Variants in C8orf76 observed in about 807,000 individuals in gnomAD.
C8orf76 encodes chromosome 8 open reading frame 76.
C8orf76 carries 46 observed loss-of-function variants against 38.1 expected under a neutral mutation model. The observed-to-expected ratio is 1.21, with a 90% CI of 0.95 to 1.54. The LOEUF (loss-of-function observed/expected upper bound fraction) is 1.54, where lower values mean the gene tolerates loss of function less well. Ranked by LOEUF, C8orf76 falls within the 40% of genes most tolerant of loss-of-function variation. The probability of loss-of-function intolerance (pLI) is 0.00; values close to 1 mark genes in which losing one functional copy is unlikely to be tolerated. For synonymous variants in C8orf76, 166 were observed against 167.5 expected (o/e 0.99, Z 0.07); for missense variants, 461 against 441.6 (o/e 1.04, Z -0.39).
intron 1 of C8orf76, chr8:123,240,069 T>C (rs1192145333): frequency 2.6e-5 from 4 of 152,524 alleles, no homozygotes. Context: ...ACATCAGATC[T>C]GACAAAGTAT....
At position 123,239,164 on chromosome 8, in the gene C8orf76, C is replaced by G. The variant is rs1043987535; in HGVS notation, c.118-20G>C. The G allele has an allele frequency of 6.2e-7, 1 of 1,611,308 alleles. No individual in the cohort carries two copies. The highest frequency in any genetic ancestry group is 8.5e-7 in the Non-Finnish European group (1 of 1,177,854). On this transcript the variant is annotated intron_variant, in intron 1 of 5. Transcript: ENST00000276704. ...AAACCACTTGAAATCATGAAAATAG[C>G]CTATTACAGAGTGAGCTATGCTTTT...
intron 5 of C8orf76, among the ~76,000 whole-genome samples, chr8:123,225,195 T>C (rs543416248): frequency 1.3e-5 from 2 of 152,046 alleles, no homozygotes; most frequent in Non-Finnish European, 2.9e-5. Context: ...TTAGTAGAGA[T>C]GGGGTTTCAC....
intron 3 of C8orf76, among the ~76,000 whole-genome samples, chr8:123,237,295 G>A (rs1825530250): frequency 6.6e-6 from 1 of 152,024 alleles, no homozygotes; most frequent in African/African-American, 2.4e-5. Flanking sequence ...GTCATAAAGT[G>A]TCCCTTTCGT....
At chr8:123,234,843 T>C (rs549498626) in intron 3 of C8orf76, among the ~76,000 whole-genome samples, 2 of 151,794 alleles carry the variant, frequency 1.3e-5, no homozygotes, top group African/African-American at 4.8e-5. Context: ...ATGCCTATAA[T>C]CCCAGCTACT....
chr8:123,235,414 A>G (rs1029890821), intron 3 of C8orf76, among the ~76,000 whole-genome samples: 3 of 152,182 alleles, frequency 2.0e-5, no homozygotes, highest in African/African-American at 7.2e-5. Flanking sequence ...AAAAAAACAG[A>G]TATGGGCCAG....
intron 1 of C8orf76, 129 bp from the exon 2 acceptor site, chr8:123,239,273 G>A (rs1586813418): frequency 3.2e-6 from 3 of 946,696 alleles, no homozygotes; most frequent in East Asian, 5.7e-5. Context: ...GGCCAGGTTA[G>A]TCTTGAACTC....
intron 3 of C8orf76, among the ~76,000 whole-genome samples, chr8:123,232,640 C>T (rs1435581913): frequency 1.3e-5 from 2 of 152,206 alleles, no homozygotes; most frequent in East Asian, 3.9e-4. Context: ...CCCCAGGAAA[C>T]TGTACACCAG....
chr8:123,238,995 T>C (rs1348350323), intron 2 of C8orf76, 54 bp downstream of exon 2: 27 of 1,546,996 alleles, frequency 1.7e-5, no homozygotes, highest in Non-Finnish European at 4.5e-6. Context: ...TATTTACATA[T>C]GCCATAACTG....
intron 4 of C8orf76, among the ~76,000 whole-genome samples, chr8:123,229,768 G>A (rs1011274897): frequency 6.6e-6 from 1 of 152,174 alleles, no homozygotes; most frequent in Non-Finnish European, 1.5e-5. Context: ...TGTAATCCCA[G>A]CACTCTGGGA....
At chr8:123,221,580 C>A (rs1245211306) in intron 5 of C8orf76, among the ~76,000 whole-genome samples, 1 of 152,146 alleles carries the variant, frequency 6.6e-6, no homozygotes, top group Non-Finnish European at 1.5e-5. Flanking sequence ...GGACTACAGG[C>A]AAGTGCCACC....
chr8:123,223,742 G>A (rs1824949780), intron 5 of C8orf76, among the ~76,000 whole-genome samples: 1 of 152,134 alleles, frequency 6.6e-6, no homozygotes, highest in South Asian at 2.1e-4. Context: ...AACAAAATGA[G>A]ATATGTACAT....
chr8:123,231,832 A>T (rs1473268231), intron 3 of C8orf76, 75 bp from the exon 4 acceptor site: 3 of 1,440,312 alleles, frequency 2.1e-6, no homozygotes, highest in Non-Finnish European at 2.8e-6. Flanking sequence ...TGCCTAAAAA[A>T]CCAAGTTGTA....
intron 4 of C8orf76, among the ~76,000 whole-genome samples, chr8:123,228,207 T>C (rs980740896): frequency 2.0e-5 from 3 of 152,132 alleles, no homozygotes; most frequent in African/African-American, 7.2e-5. Context: ...CCATTTCTTT[T>C]TTTTATTACC....
At chr8:123,235,262 G>T (rs1376480199) in intron 3 of C8orf76, among the ~76,000 whole-genome samples, 1 of 152,100 alleles carries the variant, frequency 6.6e-6, no homozygotes, top group African/African-American at 2.4e-5. Flanking sequence ...ATGAAAAGAG[G>T]TGAATGAATT....
intron 3 of C8orf76, chr8:123,237,137 C>G (rs564948179): frequency 2.4e-6 from 2 of 836,886 alleles, no homozygotes; most frequent in Admixed American, 1.8e-5. Context: ...GTGCTGTGCC[C>G]GCCTGCACCA....
In C8orf76 at chr8:123,241,330, C is replaced by T. The variant is rs759602007; in HGVS notation, c.17G>A (p.Trp6Ter). Residue 6 changes from tryptophan to a stop codon, truncating the protein, a stop_gained, in exon 1 of 6, where the codon TGG (tryptophan) becomes TAG (stop). Coordinates refer to ENST00000276704, the MANE Select transcript of C8orf76 (RefSeq NM_032847.3). LOFTEE classifies it high-confidence loss of function. ...GTCCTCGAACTCGCCGCCGAACAAC[C>T]AGCACCCGGAATCCATCTCGCGCCC... MDSGC[W>*]LFGGEFEDSV... 16 of 1,569,344 alleles carry T rather than the reference C, an allele frequency of 1.0e-5. No homozygotes were observed. Among genetic ancestry groups the T allele is most frequent in the Non-Finnish European group, 1.4e-5 (16 of 1,163,550 alleles).
chr8:123,222,280 G>A (rs1185416116), intron 5 of C8orf76, among the ~76,000 whole-genome samples: 7 of 152,306 alleles, frequency 4.6e-5, no homozygotes, highest in South Asian at 4.1e-4. Flanking sequence ...CACCGCGCCC[G>A]GCAGGCATCT....
intron 4 of C8orf76, among the ~76,000 whole-genome samples, chr8:123,230,769 C>A (rs1563799395): frequency 6.6e-6 from 1 of 152,280 alleles, no homozygotes; most frequent in South Asian, 2.1e-4. Flanking sequence ...CCTGCCTCAG[C>A]CTCCTGAGTA....
intron 1 of C8orf76, among the ~76,000 whole-genome samples, chr8:123,240,838 G>A (rs577390251): frequency 1.3e-5 from 2 of 152,342 alleles, no homozygotes; most frequent in East Asian, 3.9e-4. Context: ...CGGGCAGGGG[G>A]AGCTCGCCGA....
Sources: allele counts gnomAD v4.1 joint callset (sites outside exome capture counted in the v4.1 genomes callset), GRCh38; gene constraint gnomAD v4.1.1; transcripts MANE v1.5; gene names NCBI Gene and HGNC (gene_info 2026-07-23, HGNC 2026-07-21).